The following STPG4 variants were observed in gnomAD, a reference collection of about 807,000 sequenced individuals.
The protein encoded by STPG4 is sperm-tail PG-rich repeat containing 4.
In STPG4, 41 loss-of-function variants were observed where a neutral mutation model predicts 31.5. That is an observed-to-expected ratio of 1.30 (90% confidence interval 1.01 to 1.69). The LOEUF (loss-of-function observed/expected upper bound fraction) is 1.69. STPG4 is among the 40% of genes most tolerant of loss of function. The probability of loss-of-function intolerance (pLI) is 0.00; values close to 1 mark genes in which losing one functional copy is unlikely to be tolerated. For synonymous variants in STPG4, 141 were observed against 103.0 expected, an observed-to-expected ratio of 1.37 and a Z score of -2.24; for missense variants, 375 against 293.4, an observed-to-expected ratio of 1.28 and a Z score of -2.03.
At chr2:47,141,885 C>G (rs111978108) in intron 3 of STPG4, among the ~76,000 whole-genome samples, 1 of 148,574 alleles carries the variant, frequency 6.7e-6, no homozygotes, top group African/African-American at 2.5e-5. Context: ...GCTGTACATT[C>G]GGCGGGAGGA....
At chr2:47,126,816 G>A (rs147019130) in intron 5 of STPG4, among the ~76,000 whole-genome samples, 1,558 of 152,002 alleles carry the variant, frequency 0.01, 12 homozygotes, top group Non-Finnish European at 0.017. Flanking sequence ...TTTTCTTTCG[G>A]CACTTTAAAT....
At chr2:47,090,246 C>CGATCT in intron 6 of STPG4, 24 bp downstream of exon 6, 1 of 1,493,782 alleles carries the variant, frequency 6.7e-7, no homozygotes, top group Non-Finnish European at 9.1e-7. Flanking sequence ...GGGTGGGGGG[C>CGATCT]GATCTGTCTT....
At chr2:47,087,923 T>C (rs538084285) in intron 6 of STPG4, among the ~76,000 whole-genome samples, 45 of 151,790 alleles carry the variant, frequency 3.0e-4, no homozygotes, top group African/African-American at 1.1e-3. Flanking sequence ...AGCTAAATTT[T>C]TTTGTATTTT....
intron 5 of STPG4, among the ~76,000 whole-genome samples, chr2:47,111,746 C>CT (rs1686039737): frequency 6.6e-6 from 1 of 152,150 alleles, no homozygotes; most frequent in South Asian, 2.1e-4. Flanking sequence ...CATGTAGATA[C>CT]TCTCCTCACA....
intron 5 of STPG4, among the ~76,000 whole-genome samples, chr2:47,116,924 C>A (rs1296809670): frequency 6.6e-6 from 1 of 152,130 alleles, no homozygotes; most frequent in East Asian, 1.9e-4. Flanking sequence ...GATATAAATA[C>A]AAATTTCCCT....
At chr2:47,139,835 T>C (rs1187307753) in intron 3 of STPG4, among the ~76,000 whole-genome samples, 1 of 152,066 alleles carries the variant, frequency 6.6e-6, no homozygotes, top group African/African-American at 2.4e-5. Context: ...CCCATTTACT[T>C]CTAAATCTCA....
chr2:47,144,294 C>G (rs564617643), intron 3 of STPG4, among the ~76,000 whole-genome samples: 8 of 152,328 alleles, frequency 5.3e-5, no homozygotes, highest in Admixed American at 4.6e-4. Context: ...TCAACATATC[C>G]TTTCCTTAAC....
chr2:47,137,599 G>A (rs945694823), intron 3 of STPG4, among the ~76,000 whole-genome samples: 5 of 152,102 alleles, frequency 3.3e-5, no homozygotes, highest in Non-Finnish European at 5.9e-5. Flanking sequence ...ACCTGTGAAC[G>A]CATCTGGGCC....
chr2:47,103,171 T>A (rs1653101109), intron 5 of STPG4, among the ~76,000 whole-genome samples: 1 of 151,884 alleles, frequency 6.6e-6, no homozygotes, highest in Non-Finnish European at 1.5e-5. Context: ...TGTTGACCTG[T>A]GTTCTAGAAG....
chr2:47,140,584 C>T (rs368203908), intron 3 of STPG4, among the ~76,000 whole-genome samples: 13 of 152,204 alleles, frequency 8.5e-5, no homozygotes, highest in African/African-American at 2.7e-4. Context: ...TCCTCCTGGC[C>T]ATCTCTCCAA....
At chr2:47,124,698 C>G (rs915693957) in intron 5 of STPG4, among the ~76,000 whole-genome samples, 11 of 152,146 alleles carry the variant, frequency 7.2e-5, no homozygotes, top group Non-Finnish European at 5.9e-5. Context: ...AGGTTGCTTC[C>G]AAATCTTGGT....
intron 5 of STPG4, among the ~76,000 whole-genome samples, chr2:47,111,238 T>C (rs78145291): frequency 0.027 from 4,038 of 152,238 alleles, 189 homozygotes; most frequent in African/African-American, 0.092. Context: ...GGGGTGGTCT[T>C]TAGAAAAAGA....
chr2:47,144,799 C>T (rs926620766), intron 3 of STPG4, among the ~76,000 whole-genome samples: 2 of 152,098 alleles, frequency 1.3e-5, no homozygotes, highest in African/African-American at 2.4e-5. Context: ...GGCGCAACCT[C>T]GGCTCACTGC....
chr2:47,134,557 T>C (rs1686558736), intron 3 of STPG4, among the ~76,000 whole-genome samples: 1 of 152,272 alleles, frequency 6.6e-6, no homozygotes, highest in Admixed American at 6.5e-5. Flanking sequence ...TAGTGCTGAA[T>C]AATATTCCAT....
intron 5 of STPG4, among the ~76,000 whole-genome samples, chr2:47,094,207 A>G (rs1279508270): frequency 6.6e-6 from 1 of 152,182 alleles, no homozygotes; most frequent in Non-Finnish European, 1.5e-5. Flanking sequence ...CAAATGGGCC[A>G]TTTCTTAAAC....
rs1483106308 is a variant in STPG4, at chr2:47,155,192, T to G, written c.60A>C (p.Gly20=). 6.2e-7 allele frequency: 1 copy of G among 1,614,162 alleles called. No individual in the cohort carries two copies. The highest frequency in any genetic ancestry group is 8.5e-7 in the Non-Finnish European group (1 of 1,180,016). The change falls in exon 1 of 7, where the codon GGA becomes GGC. Residue 20 remains glycine (G), a synonymous_variant. Coordinates refer to ENST00000445927, the MANE Select transcript of STPG4 (RefSeq NM_001163561.2). ...STSIREDLVG[G]ESFITASKPA... Reference sequence around the variant, plus strand: ...TTACCGAAGCTGTGATGAATGATTCTCCACCCACCAGGTCTTCCCTTATTG... The same window carrying G: ...TTACCGAAGCTGTGATGAATGATTCGCCACCCACCAGGTCTTCCCTTATTG...
intron 6 of STPG4, 116 bp downstream of exon 6, chr2:47,090,154 G>C: frequency 7.3e-6 from 5 of 686,348 alleles, no homozygotes; most frequent in South Asian, 7.1e-5. Context: ...GTACACACAT[G>C]ATCATTCCCC....
chr2:47,139,298 C>T (rs932700955), intron 3 of STPG4, among the ~76,000 whole-genome samples: 1 of 152,166 alleles, frequency 6.6e-6, no homozygotes, highest in African/African-American at 2.4e-5. Flanking sequence ...ATAATTATAT[C>T]TTCTTGTAGA....
chr2:47,092,813 G>C (rs1166006498), intron 5 of STPG4, among the ~76,000 whole-genome samples: 2 of 141,642 alleles, frequency 1.4e-5, no homozygotes, highest in Middle Eastern at 3.2e-3. Context: ...TTTTTTTTTT[G>C]AGACAGTCTC....
Sources: allele counts gnomAD v4.1 joint callset (sites outside exome capture counted in the v4.1 genomes callset), GRCh38; gene constraint gnomAD v4.1.1; transcripts MANE v1.5; gene names NCBI Gene and HGNC (gene_info 2026-07-23, HGNC 2026-07-21).